The following PLEKHM3 variants were observed in gnomAD, a reference collection of about 807,000 sequenced individuals.
PLEKHM3 encodes pleckstrin homology domain containing M3.
Under a neutral mutation model 81.8 loss-of-function variants are expected in PLEKHM3, and 45 were observed. That is an observed-to-expected ratio of 0.55 (90% CI 0.43 to 0.71). The LOEUF is 0.71. Ranked by LOEUF, PLEKHM3 falls within the 30% of genes least tolerant of loss-of-function variation. PLEKHM3 has a pLI of 0.00. For missense variants in PLEKHM3, 788 were observed against 924.3 expected, an observed-to-expected ratio of 0.85 and a Z score of 1.91; for synonymous variants, 352 against 356.4, an observed-to-expected ratio of 0.99 and a Z score of 0.14.
intron 5 of PLEKHM3, among the ~76,000 whole-genome samples, chr2:207,923,880 C>CACACACATATATATATATATATAT (rs1319162543): frequency 1.1e-4 from 6 of 56,784 alleles, no homozygotes; most frequent in African/African-American, 2.9e-4. Flanking sequence ...CACACACACA[C>CACACACATATATATATATATATAT]ATATATATAT....
At chr2:207,858,583 C>T (rs2092449329) in intron 7 of PLEKHM3, among the ~76,000 whole-genome samples, 6 of 151,334 alleles carry the variant, frequency 4.0e-5, no homozygotes, top group Admixed American at 3.3e-4. Context: ...CGGGTTCAAG[C>T]GATTCCTGTG....
At chr2:207,865,798 AAAAAGATATATAT>A (rs1273207031) in intron 6 of PLEKHM3, among the ~76,000 whole-genome samples, 10 of 44,396 alleles carry the variant, frequency 2.3e-4, no homozygotes, top group African/African-American at 9.4e-4. Context: ...AAAAAAAAAA[AAAAAGATATATAT>A]ATATATATAT....
intron 2 of PLEKHM3, among the ~76,000 whole-genome samples, chr2:207,985,899 A>G (rs1054847201): frequency 1.3e-5 from 2 of 151,736 alleles, no homozygotes; most frequent in Non-Finnish European, 2.9e-5. Context: ...GAGGCAGGAG[A>G]ATGGCGTGAA....
intron 5 of PLEKHM3, among the ~76,000 whole-genome samples, chr2:207,922,169 T>C (rs903250637): frequency 2.6e-5 from 4 of 152,200 alleles, no homozygotes; most frequent in South Asian, 2.1e-4. Context: ...TTTTTGATAA[T>C]AGCCATTCTA....
At chr2:207,933,489 C>T (rs1437624492) in intron 4 of PLEKHM3, among the ~76,000 whole-genome samples, 2 of 152,090 alleles carry the variant, frequency 1.3e-5, no homozygotes, top group East Asian at 1.9e-4. Flanking sequence ...ATGTATTGTA[C>T]AATTCAATTA....
chr2:207,857,147 T>C (rs2092441128), intron 7 of PLEKHM3, among the ~76,000 whole-genome samples: 1 of 152,232 alleles, frequency 6.6e-6, no homozygotes, highest in Admixed American at 6.5e-5. Context: ...AGAGAAGTGT[T>C]GAAGGCTCTA....
Position 208,003,197 on chromosome 2 carries a change from T to G in PLEKHM3, c.-318-1240A>C, listed in dbSNP as rs923447350. ...TTTCCCTGCACAAGTTCTTCTCTTGTCTGCTGCCATGTGACACGTGCCTTT... is the reference window on the plus strand; with the variant it reads ...TTTCCCTGCACAAGTTCTTCTCTTGGCTGCTGCCATGTGACACGTGCCTTT... On this transcript the variant is annotated intron_variant, in intron 1 of 7. Coordinates refer to ENST00000427836, the MANE Select transcript of PLEKHM3 (RefSeq NM_001080475.3). Among the ~76,000 whole-genome samples the G allele has an allele frequency of 8.5e-5, 13 of 152,338 alleles. 1 individual carries two copies. In the East Asian group the frequency reaches 2.5e-3, roughly 29 times the overall value.
rs548042720 is a variant in PLEKHM3, at chr2:208,012,505, A to G, written c.-318-10548T>C. Among the ~76,000 whole-genome samples, 3 of 152,328 alleles carry G rather than the reference A, an allele frequency of 2.0e-5. No individual in the cohort carries two copies. The East Asian group carries it at 5.8e-4, about 29-fold the overall frequency. Reference sequence around the variant, plus strand: ...TCAATTACCTTTTAAATCACCTTAAATCATACAGGGGCCCTGATGTTAGTA... The same window carrying G: ...TCAATTACCTTTTAAATCACCTTAAGTCATACAGGGGCCCTGATGTTAGTA... On this transcript the variant is annotated intron_variant, in intron 1 of 7. Transcript: ENST00000427836.
intron 3 of PLEKHM3, among the ~76,000 whole-genome samples, chr2:207,968,164 C>A (rs894121719): frequency 5.3e-5 from 8 of 151,974 alleles, no homozygotes; most frequent in African/African-American, 1.9e-4. Context: ...CAGACCTGAC[C>A]TACTTCTCTA....
In PLEKHM3 at chr2:207,915,750, C is replaced by T. The variant is rs139642851; in HGVS notation, c.1887-7173G>A. On this transcript the variant is annotated intron_variant, in intron 5 of 7. Transcript: ENST00000427836. ...ATGATAAGGGTCTAAATAAAGAATA[C>T]GGATAAAGATGCATAAGGAATAATT... 4.7e-3 allele frequency among the ~76,000 whole-genome samples: 710 copies of T among 152,222 alleles called. 4 individuals carry two copies. Among genetic ancestry groups the T allele is most frequent in the Non-Finnish European group, 7.9e-3 (539 of 68,020 alleles).
At chr2:207,844,463 C>T (rs1221277890) in intron 7 of PLEKHM3, among the ~76,000 whole-genome samples, 2 of 141,984 alleles carry the variant, frequency 1.4e-5, no homozygotes, top group African/African-American at 5.1e-5. Flanking sequence ...CCACCACGCC[C>T]GGAGAATTTT....
intron 6 of PLEKHM3, among the ~76,000 whole-genome samples, chr2:207,862,238 TAAG>T (rs1422155385): frequency 1.3e-5 from 2 of 152,230 alleles, no homozygotes; most frequent in Admixed American, 1.3e-4. Flanking sequence ...GGTTTTGACA[TAAG>T]AAAACAATTG....
Position 207,908,639 on chromosome 2 carries a change from T to C in PLEKHM3, c.1887-62A>G, listed in dbSNP as rs144839371. 147 of 1,435,472 alleles carry C rather than the reference T, an allele frequency of 1.0e-4. No individual in the cohort carries two copies. The African/African-American group carries it at 1.6e-3, about 16-fold the overall frequency. 88.9% of individuals were successfully genotyped at this position (1,435,472 alleles called of 1,614,324 possible). On this transcript the variant is annotated intron_variant, in intron 5 of 7. Transcript: ENST00000427836. ...GCTGCCATAACACACATTTTTCTGA[T>C]AAGTTTCAGTCTCATTCAAGAATTC...
At chr2:207,840,608 G>A (rs551060468) in intron 7 of PLEKHM3, among the ~76,000 whole-genome samples, 1 of 152,046 alleles carries the variant, frequency 6.6e-6, no homozygotes, top group South Asian at 2.1e-4. Flanking sequence ...GTAGTTTTTG[G>A]CCATTTGCAT....
rs1410004550 is a variant in PLEKHM3 at position 207,857,905 on chromosome 2, A to AG, written c.2108+3199dup. 9.3e-5 allele frequency among the ~76,000 whole-genome samples: 14 copies of AG among 150,988 alleles called. No individual in the cohort carries two copies. The East Asian group carries it at 2.7e-3, about 29-fold the overall frequency. ...GCTCTTTTTTTTATCTAGTTTCTTA[A>AG]GGTGAAATTTTAGGATATTGATTTG... On this transcript the variant is annotated intron_variant, in intron 7 of 7. Coordinates refer to ENST00000427836, the MANE Select transcript of PLEKHM3 (RefSeq NM_001080475.3).
chr2:207,911,761 C>A (rs777454300), intron 5 of PLEKHM3, among the ~76,000 whole-genome samples: 20 of 152,196 alleles, frequency 1.3e-4, no homozygotes, highest in Non-Finnish European at 1.2e-4. Flanking sequence ...AAGCGGGCTG[C>A]AAAATCATTT....
chr2:207,938,533 T>C (rs1288630361), intron 4 of PLEKHM3, among the ~76,000 whole-genome samples: 2 of 152,220 alleles, frequency 1.3e-5, no homozygotes, highest in Admixed American at 6.5e-5. Flanking sequence ...TGGAAACTGA[T>C]AGGTCTGAAT....
chr2:207,956,878 C>T (rs556304306), intron 3 of PLEKHM3, among the ~76,000 whole-genome samples: 4 of 151,772 alleles, frequency 2.6e-5, no homozygotes, highest in South Asian at 2.1e-4. Context: ...CTGCAATGTA[C>T]GCTTTGAAAA....
intron 7 of PLEKHM3, among the ~76,000 whole-genome samples, chr2:207,831,733 C>T (rs1180758640): frequency 6.6e-6 from 1 of 152,208 alleles, no homozygotes; most frequent in Admixed American, 6.5e-5. Flanking sequence ...CTCTTCCCAG[C>T]CCCCTCCTCC....
Sources: gnomAD v4.1 joint callset for allele counts (sites outside exome capture counted in the v4.1 genomes callset) on GRCh38, gnomAD v4.1.1 for gene constraint, MANE v1.5 for transcripts, NCBI Gene and HGNC (gene_info 2026-07-23, HGNC 2026-07-21) for gene names.